Variants in PRIM2 observed in about 807,000 individuals in gnomAD.
PRIM2 encodes DNA primase large subunit.
A neutral mutation model predicts 67.3 loss-of-function variants in PRIM2; 39 were observed. The ratio of observed to expected loss-of-function variants is 0.58; its 90% CI spans 0.45 to 0.76. The LOEUF is 0.76. Ranked by LOEUF, PRIM2 falls within the 30% of genes least tolerant of loss-of-function variation. PRIM2 has a pLI of 0.00. For synonymous variants in PRIM2, 143 were observed against 198.7 expected (o/e 0.72, Z 2.36); for missense variants, 398 against 598.7 (o/e 0.66, Z 3.50).
At chr6:57,228,337 G>A in the PRIM2 span, among the ~76,000 whole-genome samples, 124 of 152,300 alleles carry the variant, frequency 8.1e-4, no homozygotes, top group African/African-American at 2.8e-3. Context: ...ATCACAAAGT[G>A]CCTTCCTTTG....
At chr6:57,367,308 G>C (rs1267930373) in intron 5 of PRIM2, among the ~76,000 whole-genome samples, 1 of 151,950 alleles carries the variant, frequency 6.6e-6, no homozygotes, top group Non-Finnish European at 1.5e-5. Flanking sequence ...CTTTGTTAAA[G>C]ATTTTCCAAT....
intron 5 of PRIM2, among the ~76,000 whole-genome samples, chr6:57,339,324 A>G (rs1768386421): frequency 6.6e-6 from 1 of 152,158 alleles, no homozygotes; most frequent in Non-Finnish European, 1.5e-5. Flanking sequence ...CAAGCTGCCA[A>G]TGACTTTCTT....
chr6:57,318,296 A>G, intron 1 of PRIM2, 141 bp from the exon 2 acceptor site: 1 of 730,216 alleles, frequency 1.4e-6, no homozygotes, highest in Admixed American at 2.9e-5. Flanking sequence ...TCACCCAGGA[A>G]TTGCCACTGC....
At chr6:57,544,501 G>A (rs1289482241) in intron 10 of PRIM2, among the ~76,000 whole-genome samples, 1 of 152,196 alleles carries the variant, frequency 6.6e-6, no homozygotes, top group Non-Finnish European at 1.5e-5. Context: ...GATGTATTAA[G>A]TGAGTCCTAT....
intron 7 of PRIM2, among the ~76,000 whole-genome samples, chr6:57,447,101 T>C (rs1188234795): frequency 6.6e-6 from 1 of 152,222 alleles, no homozygotes; most frequent in East Asian, 1.9e-4. Flanking sequence ...AGGCAATTGC[T>C]TAAAATCTTC....
At chr6:57,264,618 G>A in the PRIM2 span, among the ~76,000 whole-genome samples, 2 of 113,818 alleles carry the variant, frequency 1.8e-5, no homozygotes, top group Admixed American at 1.1e-4. Flanking sequence ...TTTTTTTTGC[G>A]ATGGAGCCTC....
At chr6:57,466,721 T>C (rs1773204020) in intron 7 of PRIM2, among the ~76,000 whole-genome samples, 1 of 152,258 alleles carries the variant, frequency 6.6e-6, no homozygotes, top group Non-Finnish European at 1.5e-5. Flanking sequence ...ATATTAGCTG[T>C]TTGTCAGATG....
chr6:57,421,297 C>G (rs546867980), intron 7 of PRIM2, among the ~76,000 whole-genome samples: 1 of 152,082 alleles, frequency 6.6e-6, no homozygotes, highest in East Asian at 1.9e-4. Context: ...TATTTAGAGC[C>G]CAAATCACAA....
chr6:57,352,864 A>T (rs549034229), intron 5 of PRIM2, among the ~76,000 whole-genome samples: 2 of 152,168 alleles, frequency 1.3e-5, no homozygotes, highest in African/African-American at 4.8e-5. Flanking sequence ...ATTGAAGTTC[A>T]TGCTTTTCAG....
At chr6:57,270,136 A>C in the PRIM2 span, among the ~76,000 whole-genome samples, 55 of 151,802 alleles carry the variant, frequency 3.6e-4, no homozygotes, top group Non-Finnish European at 7.1e-4. Flanking sequence ...TTCCATATGA[A>C]CTTTAAAGTA....
At chr6:57,323,458 T>C (rs1316190525) in intron 3 of PRIM2, among the ~76,000 whole-genome samples, 2 of 152,040 alleles carry the variant, frequency 1.3e-5, no homozygotes, top group Non-Finnish European at 2.9e-5. Context: ...AAGAAAATAG[T>C]GCGGTCCAAA....
At position 57,396,773 on chromosome 6, in the gene PRIM2, T is replaced by C. The variant is rs550138553; in HGVS notation, c.693+14605T>C. Among the ~76,000 whole-genome samples, 43 of 152,352 alleles carry C rather than the reference T, an allele frequency of 2.8e-4. No homozygotes were observed. The South Asian group carries it at 4.3e-3, about 15-fold the overall frequency. On this transcript the variant is annotated intron_variant, in intron 7 of 13. Transcript: ENST00000615550. The stretch of plus-strand genomic sequence containing the variant: ...TGTTTTGTAGGTCTTGTGAGATTTA[T>C]GCTTTAAAATGGTTCTGTTTTGATG...
At chr6:57,319,967 G>A (rs762646619) in intron 2 of PRIM2, among the ~76,000 whole-genome samples, 2 of 152,192 alleles carry the variant, frequency 1.3e-5, no homozygotes, top group African/African-American at 2.4e-5. Flanking sequence ...ACAGTATGTA[G>A]CATCTGTTCA....
At chr6:57,241,821 C>T in the PRIM2 span, among the ~76,000 whole-genome samples, 12 of 151,260 alleles carry the variant, frequency 7.9e-5, no homozygotes, top group South Asian at 2.1e-4. Context: ...TACAGGCGCC[C>T]GCCACCACGC....
intron 8 of PRIM2, among the ~76,000 whole-genome samples, chr6:57,529,309 G>A (rs1396788066): frequency 2.7e-5 from 4 of 149,828 alleles, no homozygotes; most frequent in South Asian, 4.2e-4. Flanking sequence ...GCGAGACTCC[G>A]TCTCAAAAAA....
chr6:57,473,143 C>T (rs1339398344), intron 7 of PRIM2, among the ~76,000 whole-genome samples: 7 of 152,116 alleles, frequency 4.6e-5, no homozygotes, highest in African/African-American at 1.4e-4. Flanking sequence ...ACTAGTGAAT[C>T]CTGTCTTTTG....
chr6:57,337,257 A>G (rs1369615834), intron 5 of PRIM2, among the ~76,000 whole-genome samples: 2 of 152,138 alleles, frequency 1.3e-5, no homozygotes, highest in African/African-American at 4.8e-5. Context: ...ACACATTAAT[A>G]ATGGGAGATT....
At chr6:57,365,949 C>CAAAAAAAAAAAAAAAAAAA (rs5876544) in intron 5 of PRIM2, among the ~76,000 whole-genome samples, 2 of 62,646 alleles carry the variant, frequency 3.2e-5, no homozygotes, top group African/African-American at 5.3e-5. Context: ...GACCATATCT[C>CAAAAAAAAAAAAAAAAAAA]AAAAAAAAAA....
At chr6:57,245,489 A>C in the PRIM2 span, among the ~76,000 whole-genome samples, 1 of 152,152 alleles carries the variant, frequency 6.6e-6, no homozygotes, top group African/African-American at 2.4e-5. Flanking sequence ...CCAAATTGCC[A>C]AGTTAGCTCA....
Sources: allele counts gnomAD v4.1 joint callset (sites outside exome capture counted in the v4.1 genomes callset), GRCh38; gene constraint gnomAD v4.1.1; transcripts MANE v1.5; gene names NCBI Gene and HGNC (gene_info 2026-07-23, HGNC 2026-07-21).